Variants in PRKCA observed in about 807,000 individuals in gnomAD.
The protein encoded by PRKCA is protein kinase C alpha type.
PRKCA carries 27 observed loss-of-function variants against 87.0 expected under a neutral mutation model. That is an observed-to-expected ratio of 0.31 (90% CI 0.23 to 0.43). PRKCA has a LOEUF of 0.43. Ranked by LOEUF, PRKCA falls within the 20% of genes least tolerant of loss-of-function variation. PRKCA has a pLI of 1.00. For synonymous variants in PRKCA, 329 were observed against 311.1 expected (o/e 1.06, Z -0.61); for missense variants, 518 against 852.3 (o/e 0.61, Z 4.88).
At chr17:66,788,301 G>T (rs1975449485) in intron 15 of PRKCA, among the ~76,000 whole-genome samples, 1 of 152,150 alleles carries the variant, frequency 6.6e-6, no homozygotes. Flanking sequence ...GACAGTGTTT[G>T]TCTCTGTGTC....
chr17:66,754,374 T>C (rs1294189684), intron 13 of PRKCA, among the ~76,000 whole-genome samples: 1 of 152,086 alleles, frequency 6.6e-6, no homozygotes, highest in Non-Finnish European at 1.5e-5. Flanking sequence ...GCGGGCACCA[T>C]GTGCGACAGT....
In PRKCA at chr17:66,728,687, G is replaced by A. The variant is rs1973813673; in HGVS notation, c.919-4001G>A. ...GTCGTTAGGTTATGTCTGCAGTTGAGGCGGTAGATGGCAAAGTGTGTAAAA... is the reference window on the plus strand; with the variant it reads ...GTCGTTAGGTTATGTCTGCAGTTGAAGCGGTAGATGGCAAAGTGTGTAAAA... On this transcript the variant is annotated intron_variant, in intron 8 of 16. Coordinates refer to ENST00000413366, the MANE Select transcript of PRKCA (RefSeq NM_002737.3). Among the ~76,000 whole-genome samples the A allele has an allele frequency of 2.0e-5, 3 of 152,234 alleles. No individual in the cohort carries two copies. In the South Asian group the frequency reaches 6.2e-4, roughly 31 times the overall value.
At chr17:66,669,021 G>C (rs1460703652) in intron 5 of PRKCA, among the ~76,000 whole-genome samples, 1 of 151,956 alleles carries the variant, frequency 6.6e-6, no homozygotes, top group Non-Finnish European at 1.5e-5. Flanking sequence ...GAGGATTGTG[G>C]AGCCCATGAG....
chr17:66,674,989 C>G (rs578254609), intron 5 of PRKCA, among the ~76,000 whole-genome samples: 27 of 152,366 alleles, frequency 1.8e-4, no homozygotes, highest in Admixed American at 3.3e-4. Flanking sequence ...CCATCATGGA[C>G]CAACCACCCA....
chr17:66,781,423 G>A (rs1325242582), intron 14 of PRKCA, among the ~76,000 whole-genome samples: 2 of 152,204 alleles, frequency 1.3e-5, no homozygotes, highest in Non-Finnish European at 2.9e-5. Context: ...AACCAGCAGA[G>A]GCCTCTCTGA....
At chr17:66,390,578 C>G (rs1336361046) in intron 2 of PRKCA, among the ~76,000 whole-genome samples, 4 of 152,194 alleles carry the variant, frequency 2.6e-5, no homozygotes, top group Non-Finnish European at 5.9e-5. Context: ...ATGCCATGAA[C>G]TTGGATTTCA....
intron 2 of PRKCA, among the ~76,000 whole-genome samples, chr17:66,463,043 T>C (rs575976294): frequency 6.6e-6 from 1 of 151,838 alleles, no homozygotes; most frequent in Non-Finnish European, 1.5e-5. Flanking sequence ...TCCAGAGAGG[T>C]TGGCTTACCC....
At chr17:66,645,193 A>G (rs1297683243) in intron 4 of PRKCA, among the ~76,000 whole-genome samples, 190 bp from the exon 5 acceptor site, 1 of 152,204 alleles carries the variant, frequency 6.6e-6, no homozygotes, top group Non-Finnish European at 1.5e-5. Flanking sequence ...TATTTTAAGG[A>G]TATTGTCACT....
intron 3 of PRKCA, among the ~76,000 whole-genome samples, chr17:66,587,891 G>GTATA (rs1406148799): frequency 0.014 from 1,191 of 87,016 alleles, 161 homozygotes; most frequent in South Asian, 0.021. Context: ...GTGTGTGTGT[G>GTATA]TGTGTATATA....
chr17:66,574,583 A>G (rs1446795873), intron 3 of PRKCA, among the ~76,000 whole-genome samples: 1 of 152,182 alleles, frequency 6.6e-6, no homozygotes, highest in African/African-American at 2.4e-5. Context: ...CTGTATAAGC[A>G]GGTTGATTAT....
intron 3 of PRKCA, among the ~76,000 whole-genome samples, chr17:66,631,093 A>G (rs574134699): frequency 6.6e-6 from 1 of 152,278 alleles, no homozygotes; most frequent in South Asian, 2.1e-4. Flanking sequence ...GAGATTGCAT[A>G]TGTCCTAGAT....
intron 13 of PRKCA, among the ~76,000 whole-genome samples, chr17:66,761,914 T>C (rs536885237): frequency 1.8e-4 from 27 of 152,246 alleles, no homozygotes; most frequent in African/African-American, 6.3e-4. Flanking sequence ...CAGTCAGCCA[T>C]ACTCAGTGGG....
intron 2 of PRKCA, among the ~76,000 whole-genome samples, chr17:66,316,938 C>G (rs1157183096): frequency 6.6e-6 from 1 of 152,064 alleles, no homozygotes; most frequent in Non-Finnish European, 1.5e-5. Context: ...GTCAGGAGAT[C>G]GAGACCATCC....
intron 2 of PRKCA, among the ~76,000 whole-genome samples, chr17:66,328,059 C>T (rs1263924725): frequency 6.6e-6 from 1 of 152,168 alleles, no homozygotes; most frequent in Non-Finnish European, 1.5e-5. Context: ...AACGTCTCTC[C>T]TGAGAAGATA....
chr17:66,778,650 C>T (rs1037179875), intron 14 of PRKCA, among the ~76,000 whole-genome samples: 3 of 151,986 alleles, frequency 2.0e-5, no homozygotes, highest in African/African-American at 7.3e-5. Flanking sequence ...AGTTCGAGAC[C>T]AGGGCAACAT....
chr17:66,606,480 G>C (rs1355007554), intron 3 of PRKCA, among the ~76,000 whole-genome samples: 7 of 152,148 alleles, frequency 4.6e-5, no homozygotes, highest in Admixed American at 2.0e-4. Flanking sequence ...GAATGTATAA[G>C]GACCCCAGTA....
chr17:66,584,050 CA>C (rs771819297), intron 3 of PRKCA, among the ~76,000 whole-genome samples: 2 of 152,170 alleles, frequency 1.3e-5, no homozygotes, highest in Non-Finnish European at 2.9e-5. Flanking sequence ...CGTTGGGACA[CA>C]AATCCGAGTC....
intron 5 of PRKCA, among the ~76,000 whole-genome samples, chr17:66,652,555 C>A (rs12452944): frequency 0.053 from 8,121 of 152,132 alleles, 291 homozygotes; most frequent in Admixed American, 0.078. Flanking sequence ...AGACAGAAAT[C>A]TGAAAATAGG....
At chr17:66,525,462 A>G (rs1003514870) in intron 3 of PRKCA, among the ~76,000 whole-genome samples, 3 of 152,210 alleles carry the variant, frequency 2.0e-5, no homozygotes, top group African/African-American at 7.2e-5. Context: ...TTAGAGACAC[A>G]TTTTTGGAAA....
Sources: allele counts gnomAD v4.1 joint callset (sites outside exome capture counted in the v4.1 genomes callset), GRCh38; gene constraint gnomAD v4.1.1; transcripts MANE v1.5; gene names NCBI Gene and HGNC (gene_info 2026-07-23, HGNC 2026-07-21).